Variants in RASA3 observed in about 807,000 individuals in gnomAD.
RASA3 encodes ras GTPase-activating protein 3.
A neutral mutation model predicts 110.0 loss-of-function variants in RASA3; 73 were observed. The observed-to-expected ratio is 0.66, with a 90% CI of 0.55 to 0.81. The LOEUF (loss-of-function observed/expected upper bound fraction) is 0.81. Ranked by LOEUF, RASA3 falls within the 30% of genes least tolerant of loss-of-function variation. The probability of loss-of-function intolerance (pLI) is 0.00; values close to 1 mark genes in which losing one functional copy is unlikely to be tolerated. For missense variants in RASA3, 976 were observed against 1,113.2 expected, an observed-to-expected ratio of 0.88 and a Z score of 1.75; for synonymous variants, 500 against 451.4, an observed-to-expected ratio of 1.11 and a Z score of -1.37.
intron 19 of RASA3, 113 bp downstream of exon 19, chr13:114,000,713 T>G (rs1029625735): frequency 1.2e-6 from 1 of 821,230 alleles, no homozygotes; most frequent in African/African-American, 1.7e-5. Flanking sequence ...CCCCGGGCTC[T>G]GCCCGCAGCA....
chr13:114,075,037 T>G (rs1488749382), intron 1 of RASA3, among the ~76,000 whole-genome samples: 1 of 152,178 alleles, frequency 6.6e-6, no homozygotes, highest in Non-Finnish European at 1.5e-5. Flanking sequence ...GTCATTTGGC[T>G]CTAAAGACGC....
chr13:114,078,067 C>G (rs1483829251), intron 1 of RASA3: 1 of 906,682 alleles, frequency 1.1e-6, no homozygotes, highest in African/African-American at 1.8e-5. Flanking sequence ...CTGCTGGACG[C>G]ACCAACATCC....
intron 2 of RASA3, among the ~76,000 whole-genome samples, chr13:114,060,037 A>G (rs2079310610): frequency 6.6e-6 from 1 of 152,164 alleles, no homozygotes; most frequent in African/African-American, 2.4e-5. Flanking sequence ...CGGTGAGGAG[A>G]CCCGCAGGAG....
In RASA3 at chr13:114,104,333, G is replaced by A. The variant is rs74212199; in HGVS notation, c.55+28102C>T. On this transcript the variant is annotated intron_variant, in intron 1 of 23. Coordinates refer to ENST00000334062, the MANE Select transcript of RASA3 (RefSeq NM_007368.4). ...CCACCCCCGATGCGTCCACACTGCC[G>A]CCGGCCACGGACACCCACCCCCGAT... Among the ~76,000 whole-genome samples, 94 of 22,052 alleles carry A rather than the reference G, an allele frequency of 4.3e-3. 1 individual carries two copies. The highest frequency in any genetic ancestry group is 0.023 in the Middle Eastern group (1 of 44). The allele number at this position is 22,052 out of a possible 152,430, so 14.5% of individuals were successfully genotyped here. A position where few individuals can be genotyped will look rare whatever the true frequency, so the allele number is the denominator to read the frequency against.
intron 2 of RASA3, among the ~76,000 whole-genome samples, chr13:114,058,337 G>A (rs1047562902): frequency 3.3e-5 from 5 of 152,152 alleles, no homozygotes; most frequent in African/African-American, 9.7e-5. Context: ...TTCCTCGGGC[G>A]TGAGGCTCAC....
chr13:114,016,679 C>A (rs1372396721), intron 12 of RASA3, among the ~76,000 whole-genome samples: 3 of 152,262 alleles, frequency 2.0e-5, no homozygotes, highest in African/African-American at 4.8e-5. Context: ...ACGGACTAGG[C>A]CTCACAGGGC....
chr13:113,984,754 A>G (rs2053013880), intron 22 of RASA3, among the ~76,000 whole-genome samples: 1 of 67,654 alleles, frequency 1.5e-5, no homozygotes, highest in Non-Finnish European at 3.3e-5. Flanking sequence ...CCATCCACCC[A>G]TTACTCACCC....
At chr13:114,023,459 C>T (rs1241890154) in intron 8 of RASA3, among the ~76,000 whole-genome samples, 2 of 152,222 alleles carry the variant, frequency 1.3e-5, no homozygotes, top group East Asian at 1.9e-4. Flanking sequence ...AGGGGAGGCT[C>T]ATCTGCCTCT....
Position 114,027,861 on chromosome 13 carries a change from CA to C in RASA3, c.515del (p.Leu172ArgfsTer14). 6.2e-7 allele frequency: 1 copy of C among 1,613,980 alleles called. No individual in the cohort carries two copies. Among genetic ancestry groups the C allele is most frequent in the Non-Finnish European group, 8.5e-7 (1 of 1,180,020 alleles). ...GQCDPYATVT[L>X]AGPFRSEAKK... The stretch of plus-strand genomic sequence containing the variant: ...AGGCAACTTGCCTGAAGGGTCCTGC[CA>C]GCGTCACGGTGGCGTAGGGGTCACA... On this transcript the variant is annotated frameshift_variant, in exon 6 of 24. Coordinates refer to ENST00000334062, the MANE Select transcript of RASA3 (RefSeq NM_007368.4). LOFTEE classifies it high-confidence loss of function.
chr13:113,981,856 C>A lies in RASA3; in HGVS notation c.2248G>T (p.Ala750Ser). 6.2e-7 allele frequency: 1 copy of A among 1,613,424 alleles called. No individual in the cohort carries two copies. The highest frequency in any genetic ancestry group is 1.1e-5 in the South Asian group (1 of 91,070). Residue 750 changes from alanine (A) to serine (S), a missense_variant and splice_region_variant, in exon 23 of 24, where the codon GCC (alanine) becomes TCC (serine). Transcript: ENST00000334062. ...YMSKLEKMQE[A>S]CGSKSVYDGP... ...TCATACACAGATTTGCTCCCACAGG[C>A]CTCTGTGGAGGGCGGAGGGGTCAGC... is the stretch of plus-strand genomic sequence containing the variant.
chr13:114,078,281 C>G (rs1015883516), intron 1 of RASA3, among the ~76,000 whole-genome samples: 1 of 152,264 alleles, frequency 6.6e-6, no homozygotes, highest in African/African-American at 2.4e-5. Context: ...GTTACCTTCA[C>G]CAAAGGTGCC....
At chr13:114,080,860 G>A (rs1400772056) in intron 1 of RASA3, among the ~76,000 whole-genome samples, 1 of 152,086 alleles carries the variant, frequency 6.6e-6, no homozygotes, top group African/African-American at 2.4e-5. Context: ...AACACCAATA[G>A]TGCCGTGTGG....
At chr13:113,994,960 C>T (rs576901046) in intron 21 of RASA3, among the ~76,000 whole-genome samples, 19 of 152,162 alleles carry the variant, frequency 1.2e-4, no homozygotes, top group East Asian at 1.9e-4. Flanking sequence ...GGTGACAGAA[C>T]GAGATCCCAT....
At chr13:114,055,383 T>C (rs1261905189) in intron 2 of RASA3, among the ~76,000 whole-genome samples, 2 of 152,142 alleles carry the variant, frequency 1.3e-5, no homozygotes, top group African/African-American at 4.8e-5. Flanking sequence ...AGCTGCAGGA[T>C]CTCGGGGCAG....
At chr13:114,117,617 GGTGC>G (rs2080305600) in intron 1 of RASA3, among the ~76,000 whole-genome samples, 1 of 140,600 alleles carries the variant, frequency 7.1e-6, no homozygotes, top group Admixed American at 7.0e-5. Flanking sequence ...GTGTGTGAGG[GGTGC>G]ACGTGTCTGA....
At chr13:114,103,908 C>T (rs1346993751) in intron 1 of RASA3, among the ~76,000 whole-genome samples, 1 of 103,012 alleles carries the variant, frequency 9.7e-6, no homozygotes, top group Non-Finnish European at 2.0e-5. Context: ...GCCCCGGCCA[C>T]GGACACCCAC....
At chr13:114,047,367 G>A (rs1250833685) in intron 3 of RASA3, among the ~76,000 whole-genome samples, 2 of 152,194 alleles carry the variant, frequency 1.3e-5, no homozygotes, top group African/African-American at 2.4e-5. Flanking sequence ...CTATGGGAGT[G>A]CAAACGGTAA....
chr13:114,075,074 G>A (rs149492067), intron 1 of RASA3, among the ~76,000 whole-genome samples: 8 of 152,352 alleles, frequency 5.3e-5, no homozygotes, highest in African/African-American at 1.7e-4. Flanking sequence ...CACGACGCAG[G>A]ATGAGAGGAC....
At chr13:114,080,132 G>A (rs781568017) in intron 1 of RASA3, among the ~76,000 whole-genome samples, 2 of 152,194 alleles carry the variant, frequency 1.3e-5, no homozygotes, top group African/African-American at 4.8e-5. Flanking sequence ...GGCAGAGGCC[G>A]CTGGGCTTGG....
Sources: allele counts gnomAD v4.1 joint callset (sites outside exome capture counted in the v4.1 genomes callset), GRCh38; gene constraint gnomAD v4.1.1; transcripts MANE v1.5; gene names NCBI Gene and HGNC (gene_info 2026-07-23, HGNC 2026-07-21).